DSCAM: variants seen among roughly 807,000 people sequenced by gnomAD.
DSCAM encodes the protein DS cell adhesion molecule.
DSCAM carries 47 observed loss-of-function variants against 217.7 expected under a neutral mutation model. The ratio of observed to expected loss-of-function variants is 0.22; its 90% CI spans 0.17 to 0.28. The LOEUF is 0.28. Among genes scored for constraint, DSCAM ranks in the 10% least tolerant of loss-of-function variants. The pLI, the probability that DSCAM is intolerant of heterozygous loss-of-function variation, is 1.00. For missense variants in DSCAM, 2,080 were observed against 2,618.3 expected (o/e 0.79, Z 4.49); for synonymous variants, 1,056 against 1,015.3 (o/e 1.04, Z -0.76).
intron 11 of DSCAM, among the ~76,000 whole-genome samples, chr21:40,266,934 C>T (rs766826380): frequency 7.2e-6 from 1 of 139,628 alleles, no homozygotes; most frequent in East Asian, 2.2e-4. Context: ...ATTGAAAAAG[C>T]AAATAATGCA....
At chr21:40,405,966 C>T (rs1265383459) in intron 3 of DSCAM, among the ~76,000 whole-genome samples, 1 of 152,170 alleles carries the variant, frequency 6.6e-6, no homozygotes, top group Non-Finnish European at 1.5e-5. Flanking sequence ...CACTGCACTC[C>T]AGCCTGTGCA....
intron 3 of DSCAM, among the ~76,000 whole-genome samples, chr21:40,603,929 T>C (rs2077082334): frequency 1.1e-5 from 1 of 94,836 alleles, no homozygotes; most frequent in African/African-American, 3.3e-5. Context: ...GCATTTCTTT[T>C]TTTTTTTTTT....
intron 3 of DSCAM, among the ~76,000 whole-genome samples, chr21:40,397,842 T>C (rs1284201637): frequency 6.6e-6 from 1 of 152,022 alleles, no homozygotes; most frequent in Non-Finnish European, 1.5e-5. Flanking sequence ...CTACTACCAC[T>C]AATACTACCA....
intron 3 of DSCAM, among the ~76,000 whole-genome samples, chr21:40,654,749 C>G (rs889771146): frequency 3.3e-5 from 5 of 152,172 alleles, no homozygotes; most frequent in African/African-American, 1.2e-4. Context: ...CTCTGACTTT[C>G]ACTTATAATG....
chr21:40,142,655 T>A lies in DSCAM; in HGVS notation c.3309A>T (p.Glu1103Asp). 1.9e-6 allele frequency: 3 copies of A among 1,614,180 alleles called. No individual in the cohort carries two copies. The highest frequency in any genetic ancestry group is 2.5e-6 in the Non-Finnish European group (3 of 1,180,024). The change falls in exon 18 of 33, where the codon GAA becomes GAT. Residue 1103 changes from glutamate (E) to aspartate (D), a missense_variant. By Grantham distance (45) the Glu-to-Asp change is conservative. Around this residue, in one of 5 missense-constraint regions of DSCAM, gnomAD observed 1,144 missense variants for 1,421.1 expected, o/e 0.81. Coordinates refer to ENST00000400454, the MANE Select transcript of DSCAM (RefSeq NM_001389.5). The stretch of plus-strand genomic sequence containing the variant: ...GTGTGGACCAGGATATTGATATGCT[T>A]TCTGGTGATGTTGCTATGGCTTGGA... ...ENVQAIATSPESISISWSTLS... is the reference protein window; with the variant it reads ...ENVQAIATSPDSISISWSTLS...
chr21:40,378,554 A>ATTTTTTTTTTTTTT (rs71186931), intron 3 of DSCAM, among the ~76,000 whole-genome samples: 1 of 75,650 alleles, frequency 1.3e-5, no homozygotes, highest in Non-Finnish European at 2.5e-5. Flanking sequence ...ATGAAAACTT[A>ATTTTTTTTTTTTTT]TTTTTTTTTT....
At chr21:40,651,002 G>A (rs987304648) in intron 3 of DSCAM, among the ~76,000 whole-genome samples, 3 of 152,176 alleles carry the variant, frequency 2.0e-5, no homozygotes, top group Admixed American at 1.3e-4. Context: ...CTAGGGGAGG[G>A]TTCCTAAAGG....
At chr21:40,485,485 G>A (rs867074442) in intron 3 of DSCAM, among the ~76,000 whole-genome samples, 20 of 151,170 alleles carry the variant, frequency 1.3e-4, no homozygotes, top group African/African-American at 2.7e-4. Flanking sequence ...CTCGTGATCC[G>A]CCCGCCTCGG....
At chr21:40,039,163 A>ATAAT (rs1036474023) in intron 32 of DSCAM, among the ~76,000 whole-genome samples, 14 of 145,442 alleles carry the variant, frequency 9.6e-5, no homozygotes, top group Non-Finnish European at 4.6e-5. Context: ...AACTTAAAGT[A>ATAAT]TAATAATAAA....
chr21:40,107,923 C>A (rs1280526535), intron 20 of DSCAM, among the ~76,000 whole-genome samples: 1 of 151,970 alleles, frequency 6.6e-6, no homozygotes, highest in Non-Finnish European at 1.5e-5. Flanking sequence ...GTGATTATCT[C>A]AAATAGATGC....
At chr21:40,086,631 G>T (rs760327397) in intron 22 of DSCAM, among the ~76,000 whole-genome samples, 2 of 150,298 alleles carry the variant, frequency 1.3e-5, no homozygotes, top group Non-Finnish European at 2.9e-5. Context: ...AAAGTTATAT[G>T]GACAGACCAT....
At chr21:40,603,096 G>A (rs890145798) in intron 3 of DSCAM, among the ~76,000 whole-genome samples, 4 of 152,026 alleles carry the variant, frequency 2.6e-5, no homozygotes, top group African/African-American at 9.7e-5. Context: ...ATTTGGAAGT[G>A]TATTTTTATT....
intron 1 of DSCAM, among the ~76,000 whole-genome samples, chr21:40,760,383 T>TG (rs2091321085): frequency 6.6e-6 from 1 of 152,106 alleles, no homozygotes; most frequent in African/African-American, 2.4e-5. Context: ...GAATTCCTCC[T>TG]GTTTTTTACA....
Position 40,820,232 on chromosome 21 carries a change from T to C in DSCAM, c.43+26387A>G, listed in dbSNP as rs189973381. 5.9e-5 allele frequency among the ~76,000 whole-genome samples: 9 copies of C among 152,102 alleles called. No individual in the cohort carries two copies. In the East Asian group the frequency reaches 1.7e-3, roughly 29 times the overall value. Reference sequence around the variant, plus strand: ...ACCCAAATGCCCATCAATGATAAACTAGATAAAGAAAATGTGGCACAGATA... The same window carrying C: ...ACCCAAATGCCCATCAATGATAAACCAGATAAAGAAAATGTGGCACAGATA... On this transcript the variant is annotated intron_variant, in intron 1 of 32. Transcript: ENST00000400454.
At chr21:40,143,010 C>T (rs1475733286) in intron 17 of DSCAM, among the ~76,000 whole-genome samples, 1 of 152,078 alleles carries the variant, frequency 6.6e-6, no homozygotes, top group Admixed American at 6.5e-5. Flanking sequence ...AATTTTATTG[C>T]CTGAGTAGAA....
chr21:40,232,821 T>C (rs566384801), intron 11 of DSCAM, among the ~76,000 whole-genome samples: 2 of 152,256 alleles, frequency 1.3e-5, no homozygotes, highest in East Asian at 1.9e-4. Context: ...TTAAACCTAG[T>C]AGGGTGATAT....
At chr21:40,093,684 T>C (rs1230051384) in intron 21 of DSCAM, 37 bp downstream of exon 21, 1 of 1,611,924 alleles carries the variant, frequency 6.2e-7, no homozygotes, top group Non-Finnish European at 8.5e-7. Context: ...ACAGTCAAGT[T>C]ACAACAGGAA....
chr21:40,787,520 T>C (rs551702334), intron 1 of DSCAM, among the ~76,000 whole-genome samples: 2 of 152,324 alleles, frequency 1.3e-5, no homozygotes, highest in African/African-American at 4.8e-5. Flanking sequence ...TGGGTTATCT[T>C]GCATTGTTTA....
At chr21:40,272,441 T>C (rs1242981964) in intron 11 of DSCAM, among the ~76,000 whole-genome samples, 3 of 152,198 alleles carry the variant, frequency 2.0e-5, no homozygotes, top group African/African-American at 7.2e-5. Context: ...CTTTCTTCTT[T>C]GCCTGTGGCT....
Sources: allele counts gnomAD v4.1 joint callset (sites outside exome capture counted in the v4.1 genomes callset), GRCh38; gene constraint gnomAD v4.1.1; regional missense constraint gnomAD v4.1.1; transcripts MANE v1.5; gene names NCBI Gene and HGNC (gene_info 2026-07-23, HGNC 2026-07-21).